GK: variants seen among roughly 807,000 people sequenced by gnomAD.
GK encodes ATP:glycerol 3-phosphotransferase.
In GK, 9 loss-of-function variants were observed where a neutral mutation model predicts 56.4. That is an observed-to-expected ratio of 0.16 (90% confidence interval 0.10 to 0.28). The LOEUF (loss-of-function observed/expected upper bound fraction) is 0.28, where lower values mean the gene tolerates loss of function less well. Ranked by LOEUF, GK falls within the 10% of genes least tolerant of loss-of-function variation. The pLI is 1.00. For synonymous variants in GK, 104 were observed against 144.1 expected (o/e 0.72, Z 1.99); for missense variants, 161 against 431.4 (o/e 0.37, Z 5.55).
At chrX:30,726,714 T>G in intron 19 of GK, among the ~76,000 whole-genome samples, 1 of 112,051 alleles carries the variant, frequency 8.9e-6, no homozygotes, top group Non-Finnish European at 1.9e-5. Flanking sequence ...CAATCTAAGC[T>G]ATATAACTAT....
chrX:30,727,358 T>C, intron 19 of GK, 108 bp from the exon 20 acceptor site: 1 of 510,561 alleles, frequency 2.0e-6, no homozygotes, highest in South Asian at 2.7e-5. Context: ...ACTATTTTTA[T>C]AGCTTATTTT....
At chrX:30,685,615 T>C (rs1184653141) in intron 4 of GK, among the ~76,000 whole-genome samples, 1 of 112,440 alleles carries the variant, frequency 8.9e-6, no homozygotes, top group Non-Finnish European at 1.9e-5. Context: ...GTATTTATTT[T>C]GCAGTGATTG....
intron 1 of GK, among the ~76,000 whole-genome samples, chrX:30,654,659 G>T (rs1478039759): frequency 9.0e-6 from 1 of 110,938 alleles, no homozygotes; most frequent in Non-Finnish European, 1.9e-5. Context: ...GGAGGCGGAG[G>T]TTGCAGTGAG....
At chrX:30,688,309 G>C (rs1934728515) in intron 4 of GK, among the ~76,000 whole-genome samples, 1 of 111,117 alleles carries the variant, frequency 9.0e-6, no homozygotes, top group Non-Finnish European at 1.9e-5. Flanking sequence ...AGGGCCACTG[G>C]GACTTGGAGA....
chrX:30,724,730 A>G (rs1177546842), intron 19 of GK: 2 of 210,161 alleles, frequency 9.5e-6, no homozygotes, highest in Admixed American at 1.2e-4. Flanking sequence ...ATAGTGGACT[A>G]TTCTACCTTT....
chrX:30,659,897 C>G lies in GK; in HGVS notation c.79-5614C>G, dbSNP rs909498431. Among the ~76,000 whole-genome samples the G allele has an allele frequency of 1.0e-3, 115 of 111,124 alleles. 3 individuals are homozygous for G. In the East Asian group the frequency reaches 0.03, roughly 29 times the overall value. ...CCCAGTAGCTGGGATTATAGGTGTG[C>G]ACCACCACACCCAGCTAATTTTTGT... On this transcript the variant is annotated intron_variant, in intron 1 of 20. Coordinates refer to ENST00000427190, the MANE Select transcript of GK (RefSeq NM_001205019.2).
intron 9 of GK, among the ~76,000 whole-genome samples, 178 bp downstream of exon 9, chrX:30,697,927 G>A (rs1427194624): frequency 9.0e-6 from 1 of 111,340 alleles, no homozygotes; most frequent in African/African-American, 3.3e-5. Context: ...ACTTAATCTT[G>A]TTTGTTTTTA....
rs201490638 is a variant in GK, at chrX:30,672,951, TTA to T, written c.260-4420_260-4419del. On this transcript the variant is annotated intron_variant, in intron 3 of 20. Transcript: ENST00000427190. ...TTTTCTCCTAAAAAATGTGTTATAA[TTA>T]TATGTTATGATTTTAATTTTAAAAA... is the stretch of plus-strand genomic sequence containing the variant. Among the ~76,000 whole-genome samples the T allele has an allele frequency of 1.0e-2, 1,123 of 112,452 alleles. 14 individuals are homozygous for T. The highest frequency in any genetic ancestry group is 0.046 in the Admixed American group (483 of 10,610).
At chrX:30,678,764 G>T (rs1305214462) in intron 4 of GK, among the ~76,000 whole-genome samples, 1 of 96,247 alleles carries the variant, frequency 1.0e-5, no homozygotes, top group Non-Finnish European at 2.0e-5. Flanking sequence ...TCGGCTCACT[G>T]CAACCTCCAC....
intron 1 of GK, among the ~76,000 whole-genome samples, chrX:30,656,830 A>T (rs1258610866): frequency 8.9e-6 from 1 of 112,191 alleles, no homozygotes; most frequent in Non-Finnish European, 1.9e-5. Context: ...TCTCTTTAAT[A>T]AGTTAACTGA....
intron 1 of GK, among the ~76,000 whole-genome samples, chrX:30,655,896 T>C (rs1444893846): frequency 8.9e-6 from 1 of 112,317 alleles, no homozygotes; most frequent in African/African-American, 3.2e-5. Context: ...AATTGGCTCC[T>C]GTTTACTGGG....
chrX:30,716,214 A>G (rs1936612492), intron 13 of GK, among the ~76,000 whole-genome samples: 1 of 112,298 alleles, frequency 8.9e-6, no homozygotes, highest in Non-Finnish European at 1.9e-5. Flanking sequence ...GTTTAACTGT[A>G]CTTGCCTAAA....
At chrX:30,668,223 T>C in intron 3 of GK, 105 bp downstream of exon 3, 1 of 533,595 alleles carries the variant, frequency 1.9e-6, no homozygotes, top group Non-Finnish European at 3.3e-6. Flanking sequence ...GCCAAGCATT[T>C]CTATGAGAAC....
In GK at chrX:30,667,315, T is replaced by A. The variant is rs182826516; in HGVS notation, c.153-697T>A. Among the ~76,000 whole-genome samples, 58 of 111,478 alleles carry A rather than the reference T, an allele frequency of 5.2e-4. No homozygotes were observed. In the East Asian group the frequency reaches 0.015, roughly 29 times the overall value. On this transcript the variant is annotated intron_variant, in intron 2 of 20. Coordinates refer to ENST00000427190, the MANE Select transcript of GK (RefSeq NM_001205019.2). Reference sequence around the variant, plus strand: ...CCTATGGTAGAATCATTTTAGTTTGTATCATTTCTACTTTTGGACTTCCTC... The same window carrying A: ...CCTATGGTAGAATCATTTTAGTTTGAATCATTTCTACTTTTGGACTTCCTC...
chrX:30,725,285 T>C (rs1363296172), intron 19 of GK, among the ~76,000 whole-genome samples: 1 of 112,230 alleles, frequency 8.9e-6, no homozygotes, highest in Non-Finnish European at 1.9e-5. Context: ...TCCAGAACTA[T>C]CTACTGCCAC....
intron 1 of GK, among the ~76,000 whole-genome samples, chrX:30,659,925 T>C (rs1932616635): frequency 1.8e-5 from 2 of 110,800 alleles, no homozygotes; most frequent in South Asian, 3.8e-4. Context: ...ATTTTTGTAT[T>C]TTTAGTGGAG....
At chrX:30,707,880 T>A (rs1019948695) in intron 12 of GK, among the ~76,000 whole-genome samples, 174 bp from the exon 13 acceptor site, 1 of 112,211 alleles carries the variant, frequency 8.9e-6, no homozygotes, top group Non-Finnish European at 1.9e-5. Flanking sequence ...ATAAACTTTT[T>A]ATACAGCTTA....
At chrX:30,676,356 GA>G (rs909686012) in intron 3 of GK, among the ~76,000 whole-genome samples, 7 of 112,623 alleles carry the variant, frequency 6.2e-5, no homozygotes, top group Admixed American at 1.9e-4. Context: ...GAGATGTAGT[GA>G]ATATCTTGTC....
chrX:30,672,009 G>A (rs1444479351), intron 3 of GK: 1 of 107,964 alleles, frequency 9.3e-6, no homozygotes, highest in Non-Finnish European at 1.9e-5. Flanking sequence ...TGAGCATGGT[G>A]GCTCATGCCT....
Sources: allele counts gnomAD v4.1 joint callset (sites outside exome capture counted in the v4.1 genomes callset), GRCh38; gene constraint gnomAD v4.1.1; transcripts MANE v1.5; gene names NCBI Gene and HGNC (gene_info 2026-07-23, HGNC 2026-07-21).